RNF17: variants seen among roughly 807,000 people sequenced by gnomAD.
The protein encoded by RNF17 is spermatogenesis associated 23.
RNF17 carries 31 observed loss-of-function variants against 200.5 expected under a neutral mutation model. That is an observed-to-expected ratio of 0.15 (90% CI 0.12 to 0.21). RNF17 has a LOEUF of 0.21. Among genes scored for constraint, RNF17 ranks in the 10% least tolerant of loss-of-function variants. The pLI, the probability that RNF17 is intolerant of heterozygous loss-of-function variation, is 1.00. For synonymous variants in RNF17, 606 were observed against 637.8 expected (o/e 0.95, Z 0.75); for missense variants, 1,628 against 1,905.1 (o/e 0.85, Z 2.71).
At chr13:24,757,651 A>G in the RNF17 span, among the ~76,000 whole-genome samples, 14 of 152,342 alleles carry the variant, frequency 9.2e-5, no homozygotes, top group Non-Finnish European at 1.8e-4. Context: ...TAAAGAACAT[A>G]TAATAGTTGG....
At chr13:24,866,029 TAAATA>T in intron 29 of RNF17, 110 bp from the exon 30 acceptor site, 1 of 659,814 alleles carries the variant, frequency 1.5e-6, no homozygotes, top group Admixed American at 2.9e-5. Context: ...TGATCTGAAA[TAAATA>T]AATGAATACC....
intron 3 of RNF17, among the ~76,000 whole-genome samples, chr13:24,777,286 T>C (rs533182111): frequency 6.6e-6 from 1 of 152,366 alleles, no homozygotes; most frequent in East Asian, 1.9e-4. Context: ...CTCTGTAACA[T>C]TTAAACATCA....
In RNF17 at chr13:24,796,312, C is replaced by A; in HGVS notation, c.1399+17C>A. 1 of 1,530,176 alleles carries A rather than the reference C, an allele frequency of 6.5e-7. No homozygotes were observed. The highest frequency in any genetic ancestry group is 1.3e-5 in the South Asian group (1 of 77,262). The allele number at this position is 1,530,176 out of a possible 1,614,324, so 94.8% of individuals were successfully genotyped here. On this transcript the variant is annotated intron_variant, in intron 11 of 35. Coordinates refer to ENST00000255324, the MANE Select transcript of RNF17 (RefSeq NM_031277.3). ...TGGAACTAGGTAATGAAATATTAGT[C>A]CAAGTTAAAATATCAAATTTATTTA...
At chr13:24,861,838 G>A (rs1036666728) in intron 27 of RNF17, among the ~76,000 whole-genome samples, 2 of 152,174 alleles carry the variant, frequency 1.3e-5, no homozygotes, top group Non-Finnish European at 2.9e-5. Context: ...CAAGGGGTCT[G>A]TATTAGTCCA....
In RNF17 at chr13:24,796,095, T is replaced by C. The variant is rs199565546; in HGVS notation, c.1241-42T>C. The C allele has an allele frequency of 8.2e-6, 12 of 1,456,666 alleles. No homozygotes were observed. The East Asian group carries it at 2.1e-4, about 25-fold the overall frequency. 90.2% of individuals were successfully genotyped at this position (1,456,666 alleles called of 1,614,324 possible). ...TGTTCAGCTTTCATGAATTATTTTC[T>C]AACTCATGGTTTATTAATGTGACTT... On this transcript the variant is annotated intron_variant, in intron 10 of 35. Transcript: ENST00000255324.
At position 24,781,841 on chromosome 13, in the gene RNF17, C is replaced by A; in HGVS notation, c.511-3C>A. On this transcript the variant is annotated splice_region_variant and splice_polypyrimidine_tract_variant and intron_variant, in intron 5 of 35. Coordinates refer to ENST00000255324, the MANE Select transcript of RNF17 (RefSeq NM_031277.3). The stretch of plus-strand genomic sequence containing the variant: ...GTTTTTGTCTTGTTTTTTTTTTTTC[C>A]AGGCACTTGAACACATGCAGAAGCA... 2 of 1,544,240 alleles carry A rather than the reference C, an allele frequency of 1.3e-6. No homozygotes were observed. The highest frequency in any genetic ancestry group is 1.7e-6 in the Non-Finnish European group (2 of 1,150,072).
intron 15 of RNF17, among the ~76,000 whole-genome samples, chr13:24,814,604 G>A (rs1887163237): frequency 6.6e-6 from 1 of 152,142 alleles, no homozygotes; most frequent in African/African-American, 2.4e-5. Context: ...AGTTTTTCCA[G>A]CACTATTTGT....
intron 2 of RNF17, among the ~76,000 whole-genome samples, chr13:24,774,330 C>T (rs1457925265): frequency 1.3e-5 from 2 of 152,188 alleles, no homozygotes; most frequent in Non-Finnish European, 2.9e-5. Flanking sequence ...CTGCCTCAGC[C>T]TCCCTAGTAG....
rs1892198421 is a variant in RNF17, at chr13:24,853,857, T to C, written c.3323T>C (p.Ile1108Thr). Reference sequence around the variant, plus strand: ...GTGTTCTTTTTTGGATGTTACAGAATTAATAACTTAGATAACAGCCATTCA... The same window carrying C: ...GTGTTCTTTTTTGGATGTTACAGAACTAATAACTTAGATAACAGCCATTCA... ...KKGLALRERRINNLDNSHSLS... is the reference protein window; with the variant it reads ...KKGLALRERRTNNLDNSHSLS... The change falls in exon 25 of 36, where the codon ATT (isoleucine) becomes ACT (threonine). Residue 1108 changes from isoleucine to threonine, a missense_variant and splice_region_variant. By Grantham distance (89) the Ile-to-Thr change is moderately conservative. Around this residue, in one of 5 missense-constraint regions of RNF17, gnomAD observed 609 missense variants for 681.9 expected, o/e 0.89. Transcript: ENST00000255324. 5 of 1,597,260 alleles carry C rather than the reference T, an allele frequency of 3.1e-6. No homozygotes were observed. Among genetic ancestry groups the C allele is most frequent in the Non-Finnish European group, 4.3e-6 (5 of 1,173,012 alleles).
chr13:24,757,328 T>TC, the RNF17 span, among the ~76,000 whole-genome samples: 1 of 151,864 alleles, frequency 6.6e-6, no homozygotes, highest in Non-Finnish European at 1.5e-5. Flanking sequence ...ATTCTTTTTT[T>TC]TTTTTTTTTC....
chr13:24,868,611 G>A lies in RNF17; in HGVS notation c.4173G>A (p.Ser1391=), dbSNP rs771123636. 2.4e-5 allele frequency: 38 copies of A among 1,588,830 alleles called. 1 individual carries two copies. The South Asian group carries it at 2.4e-4, about 10-fold the overall frequency. Reference sequence around the variant, plus strand: ...CTGTGGTGTTTTAGGAATTGCTTTCGGCTGAAACAGACACTCCTCTTTTAC... The same window carrying A: ...CTGTGGTGTTTTAGGAATTGCTTTCAGCTGAAACAGACACTCCTCTTTTAC... The part of the protein sequence containing the change: ...QWEIRFEELL[S]AETDTPLLPP... The change falls in exon 31 of 36, where the codon TCG becomes TCA. Residue 1391 remains serine (S), a synonymous_variant. Transcript: ENST00000255324.
chr13:24,812,669 T>TCTCCCCCCCCCCCCC (rs1886834788), intron 15 of RNF17, among the ~76,000 whole-genome samples: 1 of 20,930 alleles, frequency 4.8e-5, no homozygotes, highest in Non-Finnish European at 1.0e-4. Flanking sequence ...GCTCCTCCCC[T>TCTCCCCCCCCCCCCC]CCCCGCCCCA....
intron 29 of RNF17, among the ~76,000 whole-genome samples, chr13:24,865,688 C>A (rs1206770855): frequency 4.6e-5 from 7 of 152,134 alleles, no homozygotes; most frequent in Non-Finnish European, 1.0e-4. Flanking sequence ...AAACTACTTT[C>A]TTCTCTCAAA....
intron 28 of RNF17, among the ~76,000 whole-genome samples, chr13:24,863,141 G>C (rs1893264905): frequency 2.0e-5 from 3 of 152,174 alleles, no homozygotes; most frequent in Non-Finnish European, 2.9e-5. Context: ...CTCGGGTCCA[G>C]GTAATTCTGG....
intron 11 of RNF17, among the ~76,000 whole-genome samples, chr13:24,798,376 A>G (rs961820818): frequency 6.6e-6 from 1 of 152,158 alleles, no homozygotes; most frequent in Non-Finnish European, 1.5e-5. Flanking sequence ...AGTGTAGCAA[A>G]ATAAGAGAAG....
intron 15 of RNF17, 79 bp downstream of exon 15, chr13:24,804,508 C>A: frequency 8.8e-7 from 1 of 1,133,526 alleles, no homozygotes; most frequent in East Asian, 2.6e-5. Flanking sequence ...TGAGTATCTA[C>A]CGTCAATTTT....
At chr13:24,775,012 G>T in intron 3 of RNF17, 108 bp downstream of exon 3, 1 of 687,582 alleles carries the variant, frequency 1.5e-6, no homozygotes, top group East Asian at 2.9e-5. Flanking sequence ...CTAACCTACT[G>T]TTTATGGAAT....
chr13:24,785,178 G>T (rs1007566844), intron 6 of RNF17, among the ~76,000 whole-genome samples: 1 of 135,630 alleles, frequency 7.4e-6, no homozygotes, highest in African/African-American at 2.8e-5. Context: ...TCGTTAGGTT[G>T]TTCATTTGCG....
At chr13:24,812,666 C>A (rs1268082701) in intron 15 of RNF17, among the ~76,000 whole-genome samples, 2 of 40,220 alleles carry the variant, frequency 5.0e-5, no homozygotes, top group African/African-American at 8.8e-5. Context: ...TTGGCTCCTC[C>A]CCTCCCCGCC....
Sources: allele counts gnomAD v4.1 joint callset (sites outside exome capture counted in the v4.1 genomes callset), GRCh38; gene constraint gnomAD v4.1.1; regional missense constraint gnomAD v4.1.1; transcripts MANE v1.5; gene names NCBI Gene and HGNC (gene_info 2026-07-23, HGNC 2026-07-21).